Variants in RB1CC1 observed in about 807,000 individuals in gnomAD.
The protein encoded by RB1CC1 is RB1-inducible coiled-coil protein 1.
Under a neutral mutation model 177.5 loss-of-function variants are expected in RB1CC1, and 46 were observed. The ratio of observed to expected loss-of-function variants is 0.26; its 90% CI spans 0.20 to 0.33. The LOEUF (loss-of-function observed/expected upper bound fraction) is 0.33, where lower values mean the gene tolerates loss of function less well. RB1CC1 is among the 10% of genes least tolerant of loss of function. The pLI, the probability that RB1CC1 is intolerant of heterozygous loss-of-function variation, is 1.00. For synonymous variants in RB1CC1, 666 were observed against 613.6 expected, an observed-to-expected ratio of 1.09 and a Z score of -1.26; for missense variants, 1,703 against 1,816.3, an observed-to-expected ratio of 0.94 and a Z score of 1.13.
chr8:52,640,000 C>T (rs10504144), intron 18 of RB1CC1, among the ~76,000 whole-genome samples: 118,506 of 152,124 alleles, frequency 0.78, 46,617 homozygotes, highest in African/African-American at 0.89. Flanking sequence ...TCTATTTATC[C>T]CAATATCTAC....
intron 15 of RB1CC1, among the ~76,000 whole-genome samples, chr8:52,653,780 A>G (rs773152223): frequency 6.6e-6 from 1 of 152,228 alleles, no homozygotes; most frequent in Non-Finnish European, 1.5e-5. Context: ...TTGAAAATCC[A>G]AAATCCAAAA....
chr8:52,651,496 C>T (rs1438944861), intron 15 of RB1CC1, among the ~76,000 whole-genome samples: 1 of 152,180 alleles, frequency 6.6e-6, no homozygotes, highest in Non-Finnish European at 1.5e-5. Context: ...GCTAATGATT[C>T]CCAAAGAGTG....
chr8:52,650,580 A>G (rs960987187), intron 15 of RB1CC1, among the ~76,000 whole-genome samples: 6 of 152,090 alleles, frequency 3.9e-5, no homozygotes, highest in African/African-American at 1.4e-4. Context: ...AATCCCTTTA[A>G]TCCTGAAATA....
intron 16 of RB1CC1, 181 bp from the exon 17 acceptor site, chr8:52,642,993 G>T: frequency 3.1e-6 from 2 of 640,904 alleles, no homozygotes; most frequent in South Asian, 5.5e-5. Context: ...CTACTTTCTT[G>T]GTTCCAATTT....
At chr8:52,668,667 G>A (rs184051884) in intron 7 of RB1CC1, among the ~76,000 whole-genome samples, 1 of 152,080 alleles carries the variant, frequency 6.6e-6, no homozygotes, top group Non-Finnish European at 1.5e-5. Context: ...CATCTCTCCT[G>A]TTCCCTGGCT....
intron 1 of RB1CC1, among the ~76,000 whole-genome samples, chr8:52,688,686 G>C (rs765865818): frequency 1.1e-4 from 17 of 152,026 alleles, no homozygotes; most frequent in Admixed American, 1.1e-3. Context: ...TCTGCTTTTT[G>C]TCCTTTGAAG....
intron 1 of RB1CC1, among the ~76,000 whole-genome samples, chr8:52,691,181 C>G (rs1191015624): frequency 6.6e-6 from 1 of 152,212 alleles, no homozygotes; most frequent in African/African-American, 2.4e-5. Flanking sequence ...AGCTTTTCCT[C>G]TGCATGATCT....
At chr8:52,661,802 G>A in intron 8 of RB1CC1, 83 bp from the exon 9 acceptor site, 2 of 1,072,520 alleles carry the variant, frequency 1.9e-6, no homozygotes, top group Non-Finnish European at 2.5e-6. Context: ...AAATCTTTAT[G>A]TTAAACACAA....
chr8:52,632,449 A>G (rs1344251339), intron 20 of RB1CC1, among the ~76,000 whole-genome samples: 1 of 152,226 alleles, frequency 6.6e-6, no homozygotes, highest in African/African-American at 2.4e-5. Context: ...AAAATTATCC[A>G]GACAAATGGT....
chr8:52,647,365 A>C (rs762786051), intron 15 of RB1CC1, among the ~76,000 whole-genome samples: 4 of 152,154 alleles, frequency 2.6e-5, no homozygotes, highest in Admixed American at 6.5e-5. Context: ...TAATTAAAGG[A>C]AGGAATATAT....
intron 1 of RB1CC1, among the ~76,000 whole-genome samples, chr8:52,712,510 A>AAG (rs1857143477): frequency 6.6e-6 from 1 of 151,780 alleles, no homozygotes; most frequent in Non-Finnish European, 1.5e-5. Context: ...AAAAAAAAAA[A>AAG]AAAAAACTCA....
chr8:52,702,763 C>T (rs1473291571), intron 1 of RB1CC1, among the ~76,000 whole-genome samples: 6 of 152,064 alleles, frequency 3.9e-5, no homozygotes, highest in Non-Finnish European at 5.9e-5. Context: ...AAACAACTTT[C>T]TTCATCAATA....
intron 13 of RB1CC1, 97 bp downstream of exon 13, chr8:52,658,776 G>T: frequency 4.1e-6 from 3 of 723,510 alleles, no homozygotes; most frequent in Non-Finnish European, 6.4e-6. Flanking sequence ...TTCTTATCTT[G>T]GCACCTCTTA....
intron 23 of RB1CC1, 79 bp from the exon 24 acceptor site, chr8:52,623,938 A>AC: frequency 2.2e-6 from 2 of 899,924 alleles, no homozygotes; most frequent in Non-Finnish European, 3.5e-6. Context: ...ACACACACCC[A>AC]AAAAACAAAA....
chr8:52,682,729 TTATG>T (rs1296822809), intron 5 of RB1CC1, among the ~76,000 whole-genome samples: 9 of 152,196 alleles, frequency 5.9e-5, no homozygotes, highest in African/African-American at 1.9e-4. Flanking sequence ...AAAGATTCTA[TTATG>T]TAAATTCAGT....
At chr8:52,632,317 T>G (rs894499099) in intron 20 of RB1CC1, among the ~76,000 whole-genome samples, 1 of 152,184 alleles carries the variant, frequency 6.6e-6, no homozygotes, top group Non-Finnish European at 1.5e-5. Flanking sequence ...AAGTCAAATT[T>G]TGATGCTCTG....
At chr8:52,707,477 C>A (rs79658776) in intron 1 of RB1CC1, among the ~76,000 whole-genome samples, 2 of 142,478 alleles carry the variant, frequency 1.4e-5, no homozygotes, top group African/African-American at 5.1e-5. Flanking sequence ...TGACAATGGA[C>A]CAGGCTTCAG....
chr8:52,624,184 A>G (rs773038174), intron 23 of RB1CC1, among the ~76,000 whole-genome samples: 5 of 151,900 alleles, frequency 3.3e-5, no homozygotes, highest in Non-Finnish European at 7.4e-5. Flanking sequence ...AGAAACCTCA[A>G]TACTATATGG....
chr8:52,706,217 C>T (rs1168433291), intron 1 of RB1CC1, among the ~76,000 whole-genome samples: 1 of 151,828 alleles, frequency 6.6e-6, no homozygotes, highest in Non-Finnish European at 1.5e-5. Context: ...AAGAGTTAGT[C>T]CCACCAAGAG....
Sources: allele counts gnomAD v4.1 joint callset (sites outside exome capture counted in the v4.1 genomes callset), GRCh38; gene constraint gnomAD v4.1.1; transcripts MANE v1.5; gene names NCBI Gene and HGNC (gene_info 2026-07-23, HGNC 2026-07-21).